Variants in KALRN observed in about 807,000 individuals in gnomAD.
KALRN encodes kalirin.
In KALRN, 70 loss-of-function variants were observed where a neutral mutation model predicts 353.7. That is an observed-to-expected ratio of 0.20 (90% CI 0.16 to 0.24). The LOEUF is 0.24. Ranked by LOEUF, KALRN falls within the 10% of genes least tolerant of loss-of-function variation. KALRN has a pLI of 1.00. For synonymous variants in KALRN, 1,391 were observed against 1,434.8 expected (o/e 0.97, Z 0.69); for missense variants, 2,791 against 3,756.7 (o/e 0.74, Z 6.72).
At chr3:124,581,133 G>A (rs2074589551) in intron 34 of KALRN, among the ~76,000 whole-genome samples, 1 of 152,056 alleles carries the variant, frequency 6.6e-6, no homozygotes, top group South Asian at 2.1e-4. Flanking sequence ...ACTTAAGATA[G>A]GAAGAGGTTC....
At chr3:124,244,260 G>A (rs1346911665) in intron 3 of KALRN, among the ~76,000 whole-genome samples, 3 of 151,582 alleles carry the variant, frequency 2.0e-5, no homozygotes, top group East Asian at 1.9e-4. Context: ...TTTTTGAGAC[G>A]GAGTTTCACT....
intron 36 of KALRN, among the ~76,000 whole-genome samples, chr3:124,634,660 A>G (rs949718487): frequency 1.3e-5 from 2 of 151,848 alleles, no homozygotes; most frequent in Admixed American, 6.6e-5. Flanking sequence ...GTTCTCCCTC[A>G]CTTGTCACTC....
At chr3:124,146,742 T>C (rs2067384447) in intron 1 of KALRN, among the ~76,000 whole-genome samples, 1 of 151,606 alleles carries the variant, frequency 6.6e-6, no homozygotes, top group African/African-American at 2.4e-5. Flanking sequence ...GCCAGTATGG[T>C]GGTGCATGCC....
At chr3:124,090,287 A>G (rs1291270296) in intron 1 of KALRN, among the ~76,000 whole-genome samples, 1 of 152,212 alleles carries the variant, frequency 6.6e-6, no homozygotes, top group South Asian at 2.1e-4. Flanking sequence ...TGAGCTGGGC[A>G]TGCCTCAGCC....
chr3:124,557,333 T>C (rs1331496326), intron 33 of KALRN, among the ~76,000 whole-genome samples: 1 of 152,248 alleles, frequency 6.6e-6, no homozygotes, highest in African/African-American at 2.4e-5. Flanking sequence ...AGCATTTTCA[T>C]GCTTAAAGTA....
At chr3:124,247,905 G>A (rs990239331) in intron 3 of KALRN, among the ~76,000 whole-genome samples, 3 of 151,484 alleles carry the variant, frequency 2.0e-5, no homozygotes, top group African/African-American at 4.8e-5. Context: ...TCTCCCCCTC[G>A]CCTTCTCCAC....
intron 1 of KALRN, among the ~76,000 whole-genome samples, chr3:124,190,499 C>G (rs1311561751): frequency 6.6e-6 from 1 of 152,148 alleles, no homozygotes; most frequent in African/African-American, 2.4e-5. Flanking sequence ...ATTTCTGACC[C>G]CAAGACATGG....
In KALRN at chr3:124,293,939, T is replaced by C. The variant is rs554508653; in HGVS notation, c.970-4852T>C. On this transcript the variant is annotated intron_variant, in intron 5 of 59. Transcript: ENST00000682506. ...ATGACCAACTCATAGTATTCATTCA[T>C]TCATTCATTCATTCAGTGAGTATTG... Among the ~76,000 whole-genome samples the C allele has an allele frequency of 2.6e-5, 4 of 152,298 alleles. No homozygotes were observed. The South Asian group carries it at 8.3e-4, about 32-fold the overall frequency.
chr3:124,500,764 G>A (rs1379311382), intron 33 of KALRN, among the ~76,000 whole-genome samples: 1 of 152,196 alleles, frequency 6.6e-6, no homozygotes, highest in Non-Finnish European at 1.5e-5. Context: ...ATGGTGGTCT[G>A]AGCCCACCTT....
intron 37 of KALRN, among the ~76,000 whole-genome samples, chr3:124,646,240 G>C (rs1273178294): frequency 1.3e-5 from 2 of 151,932 alleles, no homozygotes; most frequent in African/African-American, 4.8e-5. Flanking sequence ...ACCAGGCTTT[G>C]GAATCAAGCA....
At chr3:124,508,333 G>C (rs941209460) in intron 33 of KALRN, among the ~76,000 whole-genome samples, 1 of 152,144 alleles carries the variant, frequency 6.6e-6, no homozygotes, top group Non-Finnish European at 1.5e-5. Flanking sequence ...ATGCATAATA[G>C]TGTCTTTACT....
At chr3:124,700,140 C>T in intron 56 of KALRN, 107 bp downstream of exon 56, 6 of 1,043,960 alleles carry the variant, frequency 5.7e-6, no homozygotes, top group Admixed American at 2.0e-5. Flanking sequence ...ATGCAAGAGG[C>T]ACCTTTTAGA....
At chr3:124,327,367 T>C (rs994471406) in intron 7 of KALRN, among the ~76,000 whole-genome samples, 2 of 152,186 alleles carry the variant, frequency 1.3e-5, no homozygotes, top group African/African-American at 4.8e-5. Flanking sequence ...TTTGTCTCAC[T>C]CCTTAACATA....
intron 1 of KALRN, among the ~76,000 whole-genome samples, chr3:124,168,393 G>A (rs1233991323): frequency 6.6e-6 from 1 of 152,190 alleles, no homozygotes; most frequent in Non-Finnish European, 1.5e-5. Flanking sequence ...TGTCTACTTT[G>A]TCCAAGCTCT....
intron 33 of KALRN, chr3:124,518,613 C>T: frequency 1.3e-6 from 2 of 1,525,930 alleles, no homozygotes; most frequent in Non-Finnish European, 1.8e-6. Flanking sequence ...CAACATGTTC[C>T]AAGCAAAATC....
At chr3:124,182,803 T>A (rs773052491) in intron 1 of KALRN, among the ~76,000 whole-genome samples, 19 of 152,168 alleles carry the variant, frequency 1.2e-4, no homozygotes, top group Non-Finnish European at 2.1e-4. Context: ...CTGAAAGATG[T>A]GCTTTATGCC....
intron 1 of KALRN, among the ~76,000 whole-genome samples, chr3:124,109,096 C>G (rs764182927): frequency 3.9e-5 from 6 of 152,266 alleles, no homozygotes; most frequent in Non-Finnish European, 8.8e-5. Flanking sequence ...AACATCATCA[C>G]TAGCTTCTTT....
intron 33 of KALRN, among the ~76,000 whole-genome samples, chr3:124,541,103 T>C (rs1189730164): frequency 3.9e-5 from 6 of 152,170 alleles, no homozygotes; most frequent in Admixed American, 3.3e-4. Context: ...TTTTGTTACC[T>C]AACTGTCAGA....
chr3:124,212,544 A>G (rs1369100959), intron 1 of KALRN, among the ~76,000 whole-genome samples: 1 of 152,118 alleles, frequency 6.6e-6, no homozygotes, highest in Non-Finnish European at 1.5e-5. Flanking sequence ...GATATTTGCA[A>G]TTTGGGGCCA....
Sources: allele counts gnomAD v4.1 joint callset (sites outside exome capture counted in the v4.1 genomes callset), GRCh38; gene constraint gnomAD v4.1.1; transcripts MANE v1.5; gene names NCBI Gene and HGNC (gene_info 2026-07-23, HGNC 2026-07-21).